HNF4G: variants seen among roughly 807,000 people sequenced by gnomAD.
HNF4G encodes hepatocyte nuclear factor 4 gamma, also known as hepatocyte nuclear factor 4-gamma.
In HNF4G, 21 loss-of-function variants were observed where a neutral mutation model predicts 50.9. That is an observed-to-expected ratio of 0.41 (90% CI 0.29 to 0.59). The LOEUF (loss-of-function observed/expected upper bound fraction) is 0.59, where lower values mean the gene tolerates loss of function less well. Ranked by LOEUF, HNF4G falls within the 20% of genes least tolerant of loss-of-function variation. The probability of loss-of-function intolerance (pLI) is 0.26; values close to 1 mark genes in which losing one functional copy is unlikely to be tolerated. For missense variants in HNF4G, 527 were observed against 559.4 expected (o/e 0.94, Z 0.58); for synonymous variants, 198 against 185.6 (o/e 1.07, Z -0.54).
At chr8:75,514,380 T>TG (rs1805840318) in intron 2 of HNF4G, among the ~76,000 whole-genome samples, 1 of 149,980 alleles carries the variant, frequency 6.7e-6, no homozygotes, top group Non-Finnish European at 1.5e-5. Flanking sequence ...CTTTTTTTTT[T>TG]TTGTTGTTGT....
At chr8:75,484,370 A>G (rs1812449492) in intron 1 of HNF4G, among the ~76,000 whole-genome samples, 1 of 150,302 alleles carries the variant, frequency 6.7e-6, no homozygotes, top group Non-Finnish European at 1.5e-5. Context: ...TTAGAAATGT[A>G]TAGTCCTTCT....
chr8:75,477,405 A>C (rs931170131), intron 1 of HNF4G, among the ~76,000 whole-genome samples: 1 of 152,170 alleles, frequency 6.6e-6, no homozygotes, highest in African/African-American at 2.4e-5. Flanking sequence ...TTTACAGTCA[A>C]ATTCTTCAAG....
intron 9 of HNF4G, among the ~76,000 whole-genome samples, chr8:75,562,204 C>T (rs996359944): frequency 2.6e-5 from 4 of 151,948 alleles, no homozygotes; most frequent in Non-Finnish European, 5.9e-5. Context: ...GACTTCTAGG[C>T]ATTGGTAGGG....
intron 2 of HNF4G, among the ~76,000 whole-genome samples, chr8:75,520,312 C>T (rs1011753479): frequency 6.6e-6 from 1 of 151,972 alleles, no homozygotes; most frequent in Admixed American, 6.6e-5. Flanking sequence ...TTTTCTTTCA[C>T]TATTCTTATT....
At chr8:75,448,894 G>A (rs996944246) in intron 1 of HNF4G, among the ~76,000 whole-genome samples, 3 of 152,148 alleles carry the variant, frequency 2.0e-5, no homozygotes, top group African/African-American at 7.2e-5. Flanking sequence ...TATTACAAAT[G>A]TAGATTTAGC....
intron 2 of HNF4G, among the ~76,000 whole-genome samples, chr8:75,544,861 A>G (rs1445688337): frequency 6.6e-6 from 1 of 152,130 alleles, no homozygotes; most frequent in Non-Finnish European, 1.5e-5. Flanking sequence ...TTTTAAGAAC[A>G]GATTGGACAT....
chr8:75,520,206 T>C (rs1275995094), intron 2 of HNF4G, among the ~76,000 whole-genome samples: 1 of 152,124 alleles, frequency 6.6e-6, no homozygotes, highest in East Asian at 1.9e-4. Flanking sequence ...ATATAATTGT[T>C]TGTATAACTA....
chr8:75,548,928 C>A (rs1411904359), intron 3 of HNF4G, among the ~76,000 whole-genome samples: 1 of 152,126 alleles, frequency 6.6e-6, no homozygotes, highest in Non-Finnish European at 1.5e-5. Context: ...AGGAGAAGCA[C>A]TTTCTCATTT....
chr8:75,544,584 G>T (rs564861599), intron 2 of HNF4G, among the ~76,000 whole-genome samples: 25 of 150,230 alleles, frequency 1.7e-4, no homozygotes, highest in African/African-American at 6.1e-4. Flanking sequence ...AAATTTAAAT[G>T]TTTTGTCAGA....
chr8:75,456,037 C>A (rs759069004), intron 1 of HNF4G, among the ~76,000 whole-genome samples: 1 of 151,992 alleles, frequency 6.6e-6, no homozygotes, highest in African/African-American at 2.4e-5. Flanking sequence ...TTTGACTAAG[C>A]GGTTATGAGA....
intron 1 of HNF4G, among the ~76,000 whole-genome samples, chr8:75,437,021 G>A (rs1489691117): frequency 6.6e-6 from 1 of 152,208 alleles, no homozygotes; most frequent in Non-Finnish European, 1.5e-5. Flanking sequence ...TTCAGCCTGG[G>A]CTGAGCATCA....
At position 75,560,479 on chromosome 8, in the gene HNF4G, A is replaced by G. The variant is rs1807276973; in HGVS notation, c.1246+13A>G. 1 of 1,601,634 alleles carries G rather than the reference A, an allele frequency of 6.2e-7. No homozygotes were observed. Among genetic ancestry groups the G allele is most frequent in the Admixed American group, 1.7e-5 (1 of 57,610 alleles). On this transcript the variant is annotated intron_variant, in intron 9 of 9. Transcript: ENST00000396423. ...GCAGACCAGATCTGTAAGTTTATAG[A>G]CTACTTTTCAACCAAGATATTTCTT...
At chr8:75,461,046 G>A (rs1465247848) in intron 1 of HNF4G, among the ~76,000 whole-genome samples, 1 of 152,170 alleles carries the variant, frequency 6.6e-6, no homozygotes, top group African/African-American at 2.4e-5. Context: ...GAGGTTTATA[G>A]AGGTTAAGAA....
intron 1 of HNF4G, among the ~76,000 whole-genome samples, chr8:75,488,434 T>A (rs7011816): frequency 0.23 from 34,563 of 151,680 alleles, 5,120 homozygotes; most frequent in African/African-American, 0.42. Context: ...CCACCATGCC[T>A]GGCTATTTTT....
At chr8:75,428,081 T>C (rs943018481) in intron 1 of HNF4G, among the ~76,000 whole-genome samples, 2 of 152,206 alleles carry the variant, frequency 1.3e-5, no homozygotes, top group Admixed American at 6.5e-5. Flanking sequence ...GGTGAGAACA[T>C]ATAAACTAGA....
At chr8:75,516,055 C>T (rs1038886601) in intron 2 of HNF4G, among the ~76,000 whole-genome samples, 7 of 152,272 alleles carry the variant, frequency 4.6e-5, no homozygotes, top group Admixed American at 1.3e-4. Context: ...CAAGCTACTG[C>T]GCCCTGCCCG....
intron 1 of HNF4G, among the ~76,000 whole-genome samples, chr8:75,438,746 C>A (rs1302819156): frequency 1.3e-5 from 2 of 151,968 alleles, no homozygotes; most frequent in African/African-American, 4.8e-5. Flanking sequence ...AGAATTACAA[C>A]AGGACTCACA....
intron 1 of HNF4G, among the ~76,000 whole-genome samples, chr8:75,432,272 G>A (rs901312304): frequency 6.7e-6 from 1 of 149,978 alleles, no homozygotes; most frequent in African/African-American, 2.5e-5. Context: ...GTAAAAAGAT[G>A]GGAAAAGATG....
At chr8:75,456,051 G>GT (rs925050664) in intron 1 of HNF4G, among the ~76,000 whole-genome samples, 1 of 152,098 alleles carries the variant, frequency 6.6e-6, no homozygotes, top group Non-Finnish European at 1.5e-5. Flanking sequence ...TATGAGATCT[G>GT]TAAAGAACAC....
Sources: gnomAD v4.1 joint callset for allele counts (sites outside exome capture counted in the v4.1 genomes callset) on GRCh38, gnomAD v4.1.1 for gene constraint, MANE v1.5 for transcripts, NCBI Gene and HGNC (gene_info 2026-07-23, HGNC 2026-07-21) for gene names.